Variants in DLG2 observed in about 807,000 individuals in gnomAD.
DLG2 encodes discs large MAGUK scaffold protein 2.
A neutral mutation model predicts 132.5 loss-of-function variants in DLG2; 45 were observed. That is an observed-to-expected ratio of 0.34 (90% CI 0.27 to 0.44). DLG2 has a LOEUF of 0.44. Ranked by LOEUF, DLG2 falls within the 20% of genes least tolerant of loss-of-function variation. The pLI, the probability that DLG2 is intolerant of heterozygous loss-of-function variation, is 1.00. For synonymous variants in DLG2, 424 were observed against 419.6 expected, an observed-to-expected ratio of 1.01 and a Z score of -0.13; for missense variants, 1,045 against 1,196.9, an observed-to-expected ratio of 0.87 and a Z score of 1.87.
At chr11:84,175,083 T>G (rs1245614022) in intron 8 of DLG2, among the ~76,000 whole-genome samples, 2 of 152,148 alleles carry the variant, frequency 1.3e-5, no homozygotes, top group African/African-American at 4.8e-5. Flanking sequence ...CAATATAAAT[T>G]TGTTGAACAA....
intron 15 of DLG2, among the ~76,000 whole-genome samples, chr11:83,886,448 C>T (rs183527162): frequency 1.2e-3 from 177 of 152,312 alleles, no homozygotes; most frequent in African/African-American, 4.1e-3. Flanking sequence ...ATTCATAAAG[C>T]AAGTCCTGAG....
chr11:83,941,130 AT>A lies in DLG2; in HGVS notation c.1341-10648del, dbSNP rs1375316820. ...TTCTATTTTGGAAACATAACAAATA[AT>A]TTTTTAGTATAAATACGTGACTATT... is the stretch of plus-strand genomic sequence containing the variant. On this transcript the variant is annotated intron_variant, in intron 14 of 27. Transcript: ENST00000376104. Among the ~76,000 whole-genome samples, 5 of 152,256 alleles carry A rather than the reference AT, an allele frequency of 3.3e-5. No homozygotes were observed. The East Asian group carries it at 9.6e-4, about 29-fold the overall frequency.
chr11:83,943,844 G>A lies in DLG2; in HGVS notation c.1341-13361C>T, dbSNP rs1026366910. Among the ~76,000 whole-genome samples the A allele has an allele frequency of 2.6e-5, 4 of 152,164 alleles. No individual in the cohort carries two copies. The East Asian group carries it at 7.7e-4, about 29-fold the overall frequency. On this transcript the variant is annotated intron_variant, in intron 14 of 27. Coordinates refer to ENST00000376104, the MANE Select transcript of DLG2 (RefSeq NM_001142699.3). ...GCTAGAAGATCTGGGTTCAAATACT[G>A]TTCTTCCACCTATCTGTGTGACTAC...
rs184899108 is a variant in DLG2, at chr11:83,515,292, T to C, written c.2193+17416A>G. On this transcript the variant is annotated intron_variant, in intron 21 of 27. Transcript: ENST00000376104. Reference sequence around the variant, plus strand: ...TGTCCAGGAATTTATCCATTTCTTCTAGATTTTCTAGTCTATTTGCGTAGA... The same window carrying C: ...TGTCCAGGAATTTATCCATTTCTTCCAGATTTTCTAGTCTATTTGCGTAGA... 7.0e-3 allele frequency among the ~76,000 whole-genome samples: 1,064 copies of C among 152,348 alleles called. 18 individuals are homozygous for C. The highest frequency in any genetic ancestry group is 0.025 in the African/African-American group (1,032 of 41,568).
intron 8 of DLG2, among the ~76,000 whole-genome samples, chr11:84,228,787 A>G (rs1232663360): frequency 6.6e-6 from 1 of 152,220 alleles, no homozygotes; most frequent in African/African-American, 2.4e-5. Flanking sequence ...AATGCTTGTA[A>G]TGAAATCATG....
intron 3 of DLG2, among the ~76,000 whole-genome samples, chr11:85,416,980 T>C (rs551196486): frequency 2.6e-5 from 4 of 152,284 alleles, no homozygotes; most frequent in African/African-American, 9.6e-5. Flanking sequence ...CAATACTATA[T>C]CGAATAGGAG....
At chr11:84,188,133 G>A (rs2096320052) in intron 8 of DLG2, among the ~76,000 whole-genome samples, 1 of 152,166 alleles carries the variant, frequency 6.6e-6, no homozygotes, top group Non-Finnish European at 1.5e-5. Context: ...TATGACCCAA[G>A]ATCCAGTTAC....
rs142644779 is a variant in DLG2, at chr11:85,174,852, A to G, written c.187-20201T>C. Among the ~76,000 whole-genome samples the G allele has an allele frequency of 5.9e-3, 896 of 152,290 alleles. 11 individuals carry two copies. The highest frequency in any genetic ancestry group is 0.02 in the African/African-American group (824 of 41,576). ...ATAATAAACACCTCTATGCACATCA[A>G]CTAGAAAATCTAGAAGAAATTGATA... On this transcript the variant is annotated intron_variant, in intron 4 of 27. Coordinates refer to ENST00000376104, the MANE Select transcript of DLG2 (RefSeq NM_001142699.3).
At chr11:85,007,237 G>A (rs2058739823) in intron 6 of DLG2, among the ~76,000 whole-genome samples, 1 of 152,132 alleles carries the variant, frequency 6.6e-6, no homozygotes, top group Middle Eastern at 3.4e-3. Flanking sequence ...AGATAATATT[G>A]GTACCTTTGT....
At chr11:85,381,083 T>C (rs773878565) in intron 3 of DLG2, among the ~76,000 whole-genome samples, 9 of 152,240 alleles carry the variant, frequency 5.9e-5, no homozygotes, top group Non-Finnish European at 1.2e-4. Flanking sequence ...AGACAACTTA[T>C]ACTCTGCTTC....
At chr11:83,842,523 C>CAA (rs771360645) in intron 16 of DLG2, among the ~76,000 whole-genome samples, 2,428 of 69,670 alleles carry the variant, frequency 0.035, 85 homozygotes, top group Middle Eastern at 0.12. Context: ...GAACCTGTCT[C>CAA]AAAAAAAAAA....
chr11:85,613,122 G>T (rs910521184), intron 2 of DLG2, among the ~76,000 whole-genome samples: 3 of 152,132 alleles, frequency 2.0e-5, no homozygotes, highest in African/African-American at 7.2e-5. Flanking sequence ...CTAGAGTTGG[G>T]CAATATGGCT....
chr11:83,624,580 A>T (rs930044861), intron 19 of DLG2, among the ~76,000 whole-genome samples: 1 of 152,210 alleles, frequency 6.6e-6, no homozygotes, highest in Non-Finnish European at 1.5e-5. Context: ...GGCAGGCTCT[A>T]AGTACTTGAA....
chr11:83,932,310 C>T (rs1565694490), intron 14 of DLG2, among the ~76,000 whole-genome samples: 1 of 151,808 alleles, frequency 6.6e-6, no homozygotes, highest in Non-Finnish European at 1.5e-5. Context: ...TCTCGGCTCA[C>T]TGCAAACTCC....
intron 20 of DLG2, among the ~76,000 whole-genome samples, chr11:83,533,439 C>T (rs1271301926): frequency 6.6e-6 from 1 of 152,118 alleles, no homozygotes; most frequent in Admixed American, 6.6e-5. Flanking sequence ...ATGAATTTGG[C>T]AAGAACAGTG....
At chr11:84,362,508 AT>A (rs201892576) in intron 7 of DLG2, among the ~76,000 whole-genome samples, 2,817 of 149,372 alleles carry the variant, frequency 0.019, 84 homozygotes, top group South Asian at 0.13. Flanking sequence ...TTTTTTAATA[AT>A]TTTTTTTTTA....
chr11:83,663,559 G>T (rs2074849022), intron 18 of DLG2, among the ~76,000 whole-genome samples: 1 of 152,186 alleles, frequency 6.6e-6, no homozygotes, highest in Non-Finnish European at 1.5e-5. Context: ...CAATGTGTGT[G>T]TGGCACATAG....
rs539640167 is a variant in DLG2, at chr11:85,415,497, T to C, written c.41-130132A>G. ...AACGACAGTGTAAAAGCATTCCTAT[T>C]TCTCCACATCCTCTCCAGAATCTGT... is the stretch of plus-strand genomic sequence containing the variant. On this transcript the variant is annotated intron_variant, in intron 3 of 27. Coordinates refer to ENST00000376104, the MANE Select transcript of DLG2 (RefSeq NM_001142699.3). Among the ~76,000 whole-genome samples the C allele has an allele frequency of 5.3e-5, 8 of 152,308 alleles. No homozygotes were observed. In the South Asian group the frequency reaches 1.5e-3, roughly 28 times the overall value.
At chr11:85,321,334 G>A (rs962914956) in intron 3 of DLG2, among the ~76,000 whole-genome samples, 1 of 151,976 alleles carries the variant, frequency 6.6e-6, no homozygotes, top group Admixed American at 6.6e-5. Flanking sequence ...TGAGATGCTT[G>A]TAAGGTATTC....
Sources: gnomAD v4.1 joint callset for allele counts (sites outside exome capture counted in the v4.1 genomes callset) on GRCh38, gnomAD v4.1.1 for gene constraint, MANE v1.5 for transcripts, NCBI Gene and HGNC (gene_info 2026-07-23, HGNC 2026-07-21) for gene names.